Variants in BTBD8 observed in about 807,000 individuals in gnomAD.
The protein encoded by BTBD8 is BTB/POZ domain-containing protein 8.
In BTBD8, 110 loss-of-function variants were observed where a neutral mutation model predicts 162.9. That is an observed-to-expected ratio of 0.68 (90% CI 0.58 to 0.79). The LOEUF (loss-of-function observed/expected upper bound fraction) is 0.79. Among genes scored for constraint, BTBD8 ranks in the 30% least tolerant of loss-of-function variants. The pLI, the probability that BTBD8 is intolerant of heterozygous loss-of-function variation, is 0.00. For synonymous variants in BTBD8, 667 were observed against 716.1 expected (o/e 0.93, Z 1.10); for missense variants, 1,905 against 2,085.4 (o/e 0.91, Z 1.68).
chr1:92,109,775 G>A (rs1304114712), intron 4 of BTBD8, among the ~76,000 whole-genome samples: 1 of 152,138 alleles, frequency 6.6e-6, no homozygotes, highest in Non-Finnish European at 1.5e-5. Flanking sequence ...TTCATCTAAA[G>A]CCCAACATTG....
At chr1:92,130,881 T>G (rs539842287) in intron 5 of BTBD8, among the ~76,000 whole-genome samples, 1 of 152,270 alleles carries the variant, frequency 6.6e-6, no homozygotes, top group South Asian at 2.1e-4. Flanking sequence ...TTTTGTATTT[T>G]TAGTAGAAAT....
At chr1:92,088,954 T>C in intron 2 of BTBD8, 59 bp downstream of exon 2, 6 of 1,350,978 alleles carry the variant, frequency 4.4e-6, no homozygotes, top group Non-Finnish European at 6.0e-6. Context: ...TTAACATGTA[T>C]GTTTTTATTT....
chr1:92,126,494 C>A, intron 4 of BTBD8: 1 of 619,378 alleles, frequency 1.6e-6, no homozygotes, highest in Non-Finnish European at 2.7e-6. Flanking sequence ...CCCTTTTCTC[C>A]TCTCCTCAAT....
chr1:92,088,933 A>G (rs899127243), intron 2 of BTBD8, 38 bp downstream of exon 2: 26 of 1,480,586 alleles, frequency 1.8e-5, no homozygotes, highest in Non-Finnish European at 2.4e-5. Context: ...CTAATATGTA[A>G]TTGCTTATTT....
At chr1:92,170,883 A>G (rs1279978901) in intron 12 of BTBD8, among the ~76,000 whole-genome samples, 6 of 150,242 alleles carry the variant, frequency 4.0e-5, no homozygotes, top group Admixed American at 4.0e-4. Flanking sequence ...TTCTTATTTT[A>G]TTTTCAGTAG....
chr1:92,139,582 A>G, intron 6 of BTBD8, 152 bp downstream of exon 6: 1 of 1,285,922 alleles, frequency 7.8e-7, no homozygotes, highest in East Asian at 3.2e-5. Context: ...TAAAAACAAT[A>G]AGCAAATCAT....
chr1:92,144,346 A>G (rs1465349660), intron 7 of BTBD8, among the ~76,000 whole-genome samples: 2 of 152,142 alleles, frequency 1.3e-5, no homozygotes, highest in African/African-American at 4.8e-5. Flanking sequence ...ATACAGTAAT[A>G]CAAATATGGG....
chr1:92,088,594 C>T, intron 1 of BTBD8, 104 bp from the exon 2 acceptor site: 2 of 873,292 alleles, frequency 2.3e-6, no homozygotes, highest in Non-Finnish European at 1.6e-6. Flanking sequence ...TATGTTGCCT[C>T]TGTATTTTTT....
At chr1:92,138,350 C>A (rs756503941) in intron 5 of BTBD8, among the ~76,000 whole-genome samples, 16 of 152,026 alleles carry the variant, frequency 1.1e-4, no homozygotes, top group Non-Finnish European at 1.5e-4. Context: ...TATATTGAAC[C>A]ATCGGAAAGC....
At chr1:92,112,037 T>G (rs547419307) in intron 4 of BTBD8, among the ~76,000 whole-genome samples, 2 of 152,300 alleles carry the variant, frequency 1.3e-5, no homozygotes, top group South Asian at 4.1e-4. Flanking sequence ...ACATAAAATA[T>G]GAAAGAGAAA....
At chr1:92,111,142 C>T (rs1451453970) in intron 4 of BTBD8, among the ~76,000 whole-genome samples, 1 of 151,916 alleles carries the variant, frequency 6.6e-6, no homozygotes, top group Non-Finnish European at 1.5e-5. Flanking sequence ...CAGGCGCACA[C>T]CACCACGCTT....
rs1417764648 is a variant in BTBD8, at chr1:92,088,781, C to A, written c.233C>A (p.Ala78Glu). 4.3e-6 allele frequency: 7 copies of A among 1,613,176 alleles called. 1 individual carries two copies. In the South Asian group the frequency reaches 7.7e-5, roughly 18 times the overall value. ...AAAGCACACAAAGCAGTCCTTTTAGCAAGAGTTCCTGACTTCTATTTTCAT... is the reference window on the plus strand; with the variant it reads ...AAAGCACACAAAGCAGTCCTTTTAGAAAGAGTTCCTGACTTCTATTTTCAT... Reference protein sequence around the residue: ...LFKAHKAVLLARVPDFYFHTI... With the variant: ...LFKAHKAVLLERVPDFYFHTI... The change falls in exon 2 of 18, where the codon GCA becomes GAA. Residue 78 changes from alanine to glutamate, a missense_variant. Physicochemically the swap from Ala to Glu is moderately radical, Grantham distance 107 (BLOSUM62 -1). Transcript: ENST00000636805.
At chr1:92,167,450 T>C (rs1418598354) in intron 10 of BTBD8, among the ~76,000 whole-genome samples, 1 of 152,224 alleles carries the variant, frequency 6.6e-6, no homozygotes, top group African/African-American at 2.4e-5. Flanking sequence ...TTTTGGCCAG[T>C]AATACAATTA....
At chr1:92,164,079 C>T (rs1345604937) in intron 9 of BTBD8, among the ~76,000 whole-genome samples, 2 of 152,134 alleles carry the variant, frequency 1.3e-5, no homozygotes, top group African/African-American at 2.4e-5. Flanking sequence ...TGTACAGTTA[C>T]TCAGGAAGTC....
At chr1:92,179,245 C>CA (rs5776142) in intron 16 of BTBD8, among the ~76,000 whole-genome samples, 2,026 of 137,956 alleles carry the variant, frequency 0.015, 40 homozygotes, top group African/African-American at 0.049. Flanking sequence ...GACTCTATCT[C>CA]AAAAAAAAAA....
chr1:92,140,744 C>T (rs939152532), intron 6 of BTBD8, among the ~76,000 whole-genome samples: 2 of 152,322 alleles, frequency 1.3e-5, no homozygotes, highest in East Asian at 3.9e-4. Flanking sequence ...TAGTGAATTG[C>T]CTCCCCGCCC....
rs200773699 is a variant in BTBD8, at chr1:92,167,857, A to G, written c.1315A>G (p.Met439Val). 1.9e-6 allele frequency: 3 copies of G among 1,549,138 alleles called. No homozygotes were observed. The highest frequency in any genetic ancestry group is 1.7e-4 in the Middle Eastern group (1 of 5,984). ...NFALLLQSQAMSSTADLLDTI... is the reference protein window; with the variant it reads ...NFALLLQSQAVSSTADLLDTI... ...TTTCTGTGTTTTATAGTCACAAGCA[A>G]TGAGCAGCACAGCCGATCTGTTGGA... The change falls in exon 11 of 18, where the codon ATG becomes GTG. Residue 439 changes from methionine to valine, a missense_variant. Transcript: ENST00000636805.
intron 4 of BTBD8, among the ~76,000 whole-genome samples, chr1:92,119,055 G>C (rs1418369020): frequency 6.6e-6 from 1 of 151,584 alleles, no homozygotes; most frequent in Non-Finnish European, 1.5e-5. Context: ...CATTGAGTGA[G>C]TGGTGGGTGA....
Position 92,080,499 on chromosome 1 carries a change from C to A in BTBD8, c.-73C>A. ...GGAGCCGAGCGTTCGGTCGGAAACG[C>A]CCCCTTCTTCCTCCTGGGCGGGGCA... On this transcript the variant is annotated 5_prime_UTR_variant, in exon 1 of 18. Transcript: ENST00000636805. The A allele has an allele frequency of 6.3e-7, 1 of 1,577,366 alleles. No homozygotes were observed. Among genetic ancestry groups the A allele is most frequent in the Non-Finnish European group, 8.6e-7 (1 of 1,167,640 alleles).
Sources: allele counts gnomAD v4.1 joint callset (sites outside exome capture counted in the v4.1 genomes callset), GRCh38; gene constraint gnomAD v4.1.1; transcripts MANE v1.5; gene names NCBI Gene and HGNC (gene_info 2026-07-23, HGNC 2026-07-21).